Variants in MTHFD1 observed in about 807,000 individuals in gnomAD.
The protein encoded by MTHFD1 is C-1-tetrahydrofolate synthase, cytoplasmic.
MTHFD1 carries 44 observed loss-of-function variants against 110.3 expected under a neutral mutation model. The observed-to-expected ratio is 0.40, with a 90% CI of 0.31 to 0.51. MTHFD1 has a LOEUF of 0.51. Ranked by LOEUF, MTHFD1 falls within the 20% of genes least tolerant of loss-of-function variation. The pLI, the probability that MTHFD1 is intolerant of heterozygous loss-of-function variation, is 0.60. For missense variants in MTHFD1, 909 were observed against 1,173.1 expected, an observed-to-expected ratio of 0.77 and a Z score of 3.29; for synonymous variants, 402 against 428.8, an observed-to-expected ratio of 0.94 and a Z score of 0.77.
chr14:64,440,014 A>T, intron 17 of MTHFD1, 112 bp from the exon 18 acceptor site: 1 of 896,248 alleles, frequency 1.1e-6, no homozygotes, highest in Non-Finnish European at 1.7e-6. Context: ...CTGTTATTCT[A>T]TCCTTTTAAG....
At chr14:64,458,039 T>C in intron 26 of MTHFD1, 175 bp from the exon 27 acceptor site, 1 of 648,212 alleles carries the variant, frequency 1.5e-6, no homozygotes, top group East Asian at 2.7e-5. Context: ...TACAGGCACA[T>C]GCCATCATAT....
At chr14:64,446,315 C>G (rs562750568) in intron 22 of MTHFD1, among the ~76,000 whole-genome samples, 1 of 152,270 alleles carries the variant, frequency 6.6e-6, no homozygotes, top group Admixed American at 6.5e-5. Context: ...TTTAGTACAT[C>G]TTGGACAGGT....
chr14:64,402,918 A>T (rs898422912), intron 2 of MTHFD1, among the ~76,000 whole-genome samples: 7 of 152,204 alleles, frequency 4.6e-5, no homozygotes, highest in Non-Finnish European at 8.8e-5. Context: ...AATTCCTTAC[A>T]TAGACTATTA....
At position 64,459,921 on chromosome 14, in the gene MTHFD1, T is replaced by C; in HGVS notation, c.*167T>C. 1 of 1,535,210 alleles carries C rather than the reference T, an allele frequency of 6.5e-7. No individual in the cohort carries two copies. The highest frequency in any genetic ancestry group is 8.7e-7 in the Non-Finnish European group (1 of 1,146,156). ...CCCAGAAGTCATTTTCAGCCTTAAT[T>C]CTCATCATGTATAAATTAACATAAA... is the stretch of plus-strand genomic sequence containing the variant. On this transcript the variant is annotated 3_prime_UTR_variant, in exon 28 of 28. Coordinates refer to ENST00000652337, the MANE Select transcript of MTHFD1 (RefSeq NM_005956.4).
intron 21 of MTHFD1, 36 bp from the exon 22 acceptor site, chr14:64,444,657 A>G (rs1253221500): frequency 6.2e-7 from 1 of 1,613,510 alleles, no homozygotes; most frequent in Non-Finnish European, 8.5e-7. Flanking sequence ...AGATTTAAAT[A>G]GGAAATGCCT....
intron 17 of MTHFD1, among the ~76,000 whole-genome samples, chr14:64,439,743 A>C (rs1185102779): frequency 2.0e-5 from 3 of 151,446 alleles, no homozygotes; most frequent in Admixed American, 6.6e-5. Context: ...AAAATACAAA[A>C]ACTAGCTGGG....
chr14:64,424,752 A>T lies in MTHFD1; in HGVS notation c.728-52A>T, dbSNP rs369995945. ...TGCTGAGTTTTTGTCGTAACTGATC[A>T]CCAGGACTGTGATTCTGAGACTTAG... is the stretch of plus-strand genomic sequence containing the variant. On this transcript the variant is annotated intron_variant, in intron 8 of 27. Transcript: ENST00000652337. 6.1e-5 allele frequency: 98 copies of T among 1,607,874 alleles called. No homozygotes were observed. The African/African-American group carries it at 1.3e-3, about 21-fold the overall frequency.
At chr14:64,411,832 C>T (rs572729260) in intron 3 of MTHFD1, among the ~76,000 whole-genome samples, 5 of 151,794 alleles carry the variant, frequency 3.3e-5, no homozygotes, top group Admixed American at 6.6e-5. Flanking sequence ...ACCTGGGAGG[C>T]GGAGGTTGTG....
intron 26 of MTHFD1, among the ~76,000 whole-genome samples, chr14:64,456,226 AT>A (rs1382447584): frequency 2.0e-5 from 3 of 152,304 alleles, no homozygotes; most frequent in South Asian, 2.1e-4. Flanking sequence ...AGACTTTCTC[AT>A]TTAGAACAAA....
intron 26 of MTHFD1, among the ~76,000 whole-genome samples, chr14:64,457,603 A>C (rs2078496665): frequency 1.3e-5 from 2 of 151,924 alleles, no homozygotes; most frequent in Admixed American, 1.3e-4. Context: ...TTACAGGCAC[A>C]CGCCACCATG....
intron 17 of MTHFD1, among the ~76,000 whole-genome samples, chr14:64,439,666 C>G (rs562242698): frequency 6.6e-6 from 1 of 151,318 alleles, no homozygotes; most frequent in Non-Finnish European, 1.5e-5. Context: ...TTTGGGAGGC[C>G]GAGGCGGGCG....
At position 64,459,131 on chromosome 14, in the gene MTHFD1, G is replaced by A. The variant is rs1374858249; in HGVS notation, c.*5-628G>A. 3.9e-5 allele frequency among the ~76,000 whole-genome samples: 6 copies of A among 152,282 alleles called. No homozygotes were observed. The South Asian group carries it at 6.2e-4, about 16-fold the overall frequency. On this transcript the variant is annotated intron_variant, in intron 27 of 27. Coordinates refer to ENST00000652337, the MANE Select transcript of MTHFD1 (RefSeq NM_005956.4). ...TTTCAACATGTGCTCACACCTAGCC[G>A]AATCTATCTGGATATTTTCAGACGT... is the stretch of plus-strand genomic sequence containing the variant.
intron 7 of MTHFD1, among the ~76,000 whole-genome samples, chr14:64,418,575 A>G (rs182226713): frequency 6.7e-6 from 1 of 150,366 alleles, no homozygotes; most frequent in East Asian, 1.9e-4. Flanking sequence ...ATTTTTTTTG[A>G]GATGGAGTTT....
At chr14:64,431,730 G>A (rs1596547551) in intron 14 of MTHFD1, 57 bp from the exon 15 acceptor site, 4 of 1,594,470 alleles carry the variant, frequency 2.5e-6, no homozygotes, top group East Asian at 2.2e-5. Flanking sequence ...TGCTGAGGAT[G>A]CAGGTAGCAA....
rs1267791202 is a variant in MTHFD1, at chr14:64,412,464, T to C, written c.187-8T>C. On this transcript the variant is annotated splice_region_variant and splice_polypyrimidine_tract_variant and intron_variant, in intron 3 of 27. Transcript: ENST00000652337. ...GCCATTTACCTGCTTTTAATGTCTG[T>C]TTTGCAGATTGGGATCAAAGCCACT... 2 of 1,609,900 alleles carry C rather than the reference T, an allele frequency of 1.2e-6. No individual in the cohort carries two copies. The highest frequency in any genetic ancestry group is 1.7e-6 in the Non-Finnish European group (2 of 1,176,330).
At chr14:64,437,149 TTGTG>T (rs1254303764) in intron 16 of MTHFD1, among the ~76,000 whole-genome samples, 1 of 151,942 alleles carries the variant, frequency 6.6e-6, no homozygotes, top group Admixed American at 6.6e-5. Context: ...TTTGTTCATT[TTGTG>T]TGTGTGTGTG....
chr14:64,425,921 C>T (rs78891270), intron 10 of MTHFD1, 94 bp downstream of exon 10: 11 of 1,568,574 alleles, frequency 7.0e-6, no homozygotes, highest in Non-Finnish European at 9.6e-6. Flanking sequence ...TCTGAAGGTG[C>T]CTTCAGTGGT....
intron 2 of MTHFD1, 106 bp from the exon 3 acceptor site, chr14:64,410,984 A>C: frequency 1.2e-6 from 1 of 807,908 alleles, no homozygotes; most frequent in Non-Finnish European, 2.1e-6. Context: ...CTGCAACAAG[A>C]GTCGCATGAT....
chr14:64,445,151 G>A (rs533620626), intron 22 of MTHFD1: 10 of 278,688 alleles, frequency 3.6e-5, no homozygotes, highest in East Asian at 9.2e-5. Flanking sequence ...CTCAAATGTC[G>A]GAGTGTGAGG....
Sources: gnomAD v4.1 joint callset for allele counts (sites outside exome capture counted in the v4.1 genomes callset) on GRCh38, gnomAD v4.1.1 for gene constraint, MANE v1.5 for transcripts, NCBI Gene and HGNC (gene_info 2026-07-23, HGNC 2026-07-21) for gene names.